Variants in PEBP4 observed in about 807,000 individuals in gnomAD.
The protein encoded by PEBP4 is phosphatidylethanolamine-binding protein 4.
Under a neutral mutation model 23.9 loss-of-function variants are expected in PEBP4, and 22 were observed. That is an observed-to-expected ratio of 0.92 (90% confidence interval 0.66 to 1.31). PEBP4 has a LOEUF of 1.31. PEBP4 is among the 40% of genes most tolerant of loss of function. The pLI is 0.00. For missense variants in PEBP4, 324 were observed against 281.7 expected, an observed-to-expected ratio of 1.15 and a Z score of -1.07; for synonymous variants, 112 against 99.3, an observed-to-expected ratio of 1.13 and a Z score of -0.76.
At chr8:22,851,679 T>G (rs1361728330) in intron 3 of PEBP4, among the ~76,000 whole-genome samples, 1 of 152,058 alleles carries the variant, frequency 6.6e-6, no homozygotes, top group Non-Finnish European at 1.5e-5. Context: ...CTTTTGCTTA[T>G]CAGAATCCCA....
intron 3 of PEBP4, chr8:22,880,515 G>C (rs1339899144): frequency 6.6e-6 from 1 of 152,156 alleles, no homozygotes; most frequent in Non-Finnish European, 1.5e-5. Flanking sequence ...TTTCAGGGCA[G>C]CTGTTGGTGT....
At chr8:22,839,619 A>C (rs1315604874) in intron 3 of PEBP4, among the ~76,000 whole-genome samples, 1 of 152,226 alleles carries the variant, frequency 6.6e-6, no homozygotes, top group Admixed American at 6.5e-5. Context: ...TGTGAAATAC[A>C]ATAGCTACTG....
intron 6 of PEBP4, among the ~76,000 whole-genome samples, chr8:22,717,665 T>TGGCTCCGGCTCCG (rs1260014008): frequency 6.6e-6 from 1 of 152,230 alleles, no homozygotes; most frequent in Non-Finnish European, 1.5e-5. Context: ...CCACTGGTTC[T>TGGCTCCGGCTCCG]GGCTCCGGCT....
chr8:22,877,937 G>GACACACACACACACACACAGAC (rs1808159240), intron 3 of PEBP4: 1 of 150,392 alleles, frequency 6.6e-6, no homozygotes, highest in Admixed American at 6.6e-5. Context: ...CGCGTGCGCA[G>GACACACACACACACACACAGAC]ACACACACAC....
chr8:22,789,214 C>G (rs750140448), intron 4 of PEBP4, among the ~76,000 whole-genome samples: 6 of 152,094 alleles, frequency 3.9e-5, no homozygotes, highest in Non-Finnish European at 7.4e-5. Flanking sequence ...AGTGTGTTCA[C>G]AGGAATTTTT....
At chr8:22,880,527 C>T (rs2466176) in intron 3 of PEBP4, 53,896 of 151,994 alleles carry the variant, frequency 0.35, 9,803 homozygotes, top group Middle Eastern at 0.41. Context: ...TGTTGGTGTA[C>T]GTGTTTTGTT....
chr8:22,911,049 G>T (rs1487924306), intron 3 of PEBP4, among the ~76,000 whole-genome samples: 3 of 152,038 alleles, frequency 2.0e-5, no homozygotes, highest in African/African-American at 7.2e-5. Flanking sequence ...GGGGGCAGGG[G>T]TACATGGGAA....
At chr8:22,934,125 C>G (rs1219853903) in intron 1 of PEBP4, among the ~76,000 whole-genome samples, 1 of 152,132 alleles carries the variant, frequency 6.6e-6, no homozygotes, top group African/African-American at 2.4e-5. Context: ...AGGTCTGCCC[C>G]CAAGATGCAA....
intron 4 of PEBP4, among the ~76,000 whole-genome samples, chr8:22,754,364 G>A (rs574860203): frequency 4.6e-5 from 7 of 152,328 alleles, no homozygotes; most frequent in Non-Finnish European, 7.4e-5. Context: ...CTCTGTAGAC[G>A]TGTGTTGAGT....
At chr8:22,876,626 CA>C (rs1808127514) in intron 3 of PEBP4, among the ~76,000 whole-genome samples, 2 of 152,232 alleles carry the variant, frequency 1.3e-5, no homozygotes, top group Admixed American at 1.3e-4. Context: ...GGGCACCTCA[CA>C]AACGTGCTTC....
rs1156631063 is a variant in PEBP4, at chr8:22,939,165, C to A, written c.145-11445G>T. On this transcript the variant is annotated intron_variant, in intron 1 of 1. Transcript: ENST00000522278. ...AATGAACAATAAGAATTACATCAAACTTCCCATCAGAAACCAGGCAAGCAA... is the reference window on the plus strand; with the variant it reads ...AATGAACAATAAGAATTACATCAAAATTCCCATCAGAAACCAGGCAAGCAA... Among the ~76,000 whole-genome samples the A allele has an allele frequency of 2.6e-5, 4 of 152,140 alleles. No individual in the cohort carries two copies. In the South Asian group the frequency reaches 8.3e-4, roughly 32 times the overall value.
intron 3 of PEBP4, among the ~76,000 whole-genome samples, chr8:22,829,826 G>A (rs1363412997): frequency 6.6e-6 from 1 of 151,990 alleles, no homozygotes; most frequent in South Asian, 2.1e-4. Flanking sequence ...CAAAATCCAC[G>A]AAATAACTGT....
At chr8:22,868,326 G>A (rs1240025865) in intron 3 of PEBP4, among the ~76,000 whole-genome samples, 2 of 152,266 alleles carry the variant, frequency 1.3e-5, no homozygotes, top group Non-Finnish European at 2.9e-5. Context: ...TGGTAGCCTG[G>A]ATTTGTTCGC....
chr8:22,840,726 T>C (rs1807309274), intron 3 of PEBP4, among the ~76,000 whole-genome samples: 1 of 152,206 alleles, frequency 6.6e-6, no homozygotes, highest in Non-Finnish European at 1.5e-5. Flanking sequence ...GCTAGTTACA[T>C]CGCACTGGCT....
intron 4 of PEBP4, among the ~76,000 whole-genome samples, chr8:22,782,161 C>T (rs531120414): frequency 2.6e-5 from 4 of 152,252 alleles, no homozygotes; most frequent in Admixed American, 1.3e-4. Flanking sequence ...AGAGGTCTCT[C>T]GGGCTGGGTG....
At chr8:22,787,146 G>A (rs1806046478) in intron 4 of PEBP4, among the ~76,000 whole-genome samples, 1 of 152,188 alleles carries the variant, frequency 6.6e-6, no homozygotes, top group South Asian at 2.1e-4. Context: ...CTTCTAATGG[G>A]GATTCTGATG....
At chr8:22,765,116 T>TCTTCATTTCTTC (rs1554483038) in intron 4 of PEBP4, among the ~76,000 whole-genome samples, 1 of 144,898 alleles carries the variant, frequency 6.9e-6, no homozygotes, top group Non-Finnish European at 1.5e-5. Flanking sequence ...TTCCTTTATT[T>TCTTCATTTCTTC]CTTCCTTCCT....
chr8:22,874,456 A>G (rs538465065), intron 3 of PEBP4, among the ~76,000 whole-genome samples: 17 of 152,122 alleles, frequency 1.1e-4, no homozygotes, highest in Non-Finnish European at 2.2e-4. Context: ...AGAAATAGTT[A>G]TAAACTTGCT....
intron 3 of PEBP4, among the ~76,000 whole-genome samples, chr8:22,842,362 C>A (rs1381252070): frequency 6.6e-6 from 1 of 152,098 alleles, no homozygotes; most frequent in Non-Finnish European, 1.5e-5. Flanking sequence ...GGTATGGTGG[C>A]CAGAGGCAGC....
Sources: allele counts gnomAD v4.1 joint callset (sites outside exome capture counted in the v4.1 genomes callset), GRCh38; gene constraint gnomAD v4.1.1; transcripts MANE v1.5; gene names NCBI Gene and HGNC (gene_info 2026-07-23, HGNC 2026-07-21).